ERP27: variants seen among roughly 807,000 people sequenced by gnomAD.
ERP27 encodes endoplasmic reticulum protein 27, also known as endoplasmic reticulum resident protein 27.
A neutral mutation model predicts 27.7 loss-of-function variants in ERP27; 23 were observed. The ratio of observed to expected loss-of-function variants is 0.83; its 90% CI spans 0.60 to 1.18. The LOEUF is 1.18. Ranked by LOEUF, ERP27 falls within the 50% of genes most tolerant of loss-of-function variation. ERP27 has a pLI of 0.00. For synonymous variants in ERP27, 159 were observed against 118.3 expected, an observed-to-expected ratio of 1.34 and a Z score of -2.23; for missense variants, 363 against 327.9, an observed-to-expected ratio of 1.11 and a Z score of -0.83.
rs1456707522 is a variant in ERP27 at position 14,915,681 on chromosome 12, G to C, written c.582C>G (p.Leu194=). The change falls in exon 6 of 7, where the codon CTC becomes CTG. Residue 194 remains leucine (L), a synonymous_variant. Coordinates refer to ENST00000266397, the MANE Select transcript of ERP27 (RefSeq NM_152321.4). ...TCATACCACTGTCCACCAGAATAAA[G>C]AGAATCTGCAGTTGGGGAAGTTTGA... ...KAAKLFQGKI[L]FILVDSGMKE... is the part of the protein sequence containing the mutation. 2 of 1,612,304 alleles carry C rather than the reference G, an allele frequency of 1.2e-6. No individual in the cohort carries two copies. Among genetic ancestry groups the C allele is most frequent in the Non-Finnish European group, 8.5e-7 (1 of 1,178,522 alleles).
intron 3 of ERP27, among the ~76,000 whole-genome samples, chr12:14,927,668 C>A (rs889440829): frequency 1.3e-5 from 2 of 151,662 alleles, no homozygotes; most frequent in African/African-American, 2.4e-5. Context: ...CAGGGTTCAT[C>A]TTTTTTGGTT....
At chr12:14,925,808 G>A (rs1156246583) in intron 3 of ERP27, among the ~76,000 whole-genome samples, 2 of 152,002 alleles carry the variant, frequency 1.3e-5, no homozygotes, top group East Asian at 1.9e-4. Flanking sequence ...AGTGGCTCAC[G>A]TCTGTAATCC....
Position 14,935,377 on chromosome 12 carries a change from AAACT to A in ERP27, c.196-388_196-385del, listed in dbSNP as rs778905596. Among the ~76,000 whole-genome samples the A allele has an allele frequency of 3.3e-5, 5 of 152,364 alleles. No individual in the cohort carries two copies. In the South Asian group the frequency reaches 1.0e-3, roughly 32 times the overall value. On this transcript the variant is annotated intron_variant, in intron 2 of 6. Transcript: ENST00000266397. ...TTTGTTTAACGGTGAAATAGCAAAC[AAACT>A]AACATAACCAACTCTATTTTTGTTT...
At chr12:14,919,291 C>T (rs1050293047) in intron 4 of ERP27, among the ~76,000 whole-genome samples, 4 of 152,122 alleles carry the variant, frequency 2.6e-5, no homozygotes, top group Non-Finnish European at 5.9e-5. Context: ...AATCTGCCTT[C>T]ACTAATAATA....
chr12:14,934,596 T>A (rs1280852984), intron 3 of ERP27, among the ~76,000 whole-genome samples: 1 of 152,224 alleles, frequency 6.6e-6, no homozygotes, highest in Admixed American at 6.5e-5. Flanking sequence ...GTTAAGTGAC[T>A]GCCCAAAGTC....
chr12:14,915,949 C>A, intron 5 of ERP27: 1 of 295,054 alleles, frequency 3.4e-6, no homozygotes, highest in Non-Finnish European at 6.4e-6. Flanking sequence ...GTTCCCACTT[C>A]TAAGTGGGAG....
At chr12:14,931,877 T>C (rs1041532229) in intron 3 of ERP27, among the ~76,000 whole-genome samples, 5 of 152,088 alleles carry the variant, frequency 3.3e-5, no homozygotes, top group African/African-American at 9.7e-5. Flanking sequence ...AATTTTTGTA[T>C]TGAAGGATTT....
intron 5 of ERP27, among the ~76,000 whole-genome samples, chr12:14,916,314 G>A (rs999702553): frequency 6.6e-6 from 1 of 152,184 alleles, no homozygotes; most frequent in African/African-American, 2.4e-5. Flanking sequence ...ATGGTTAGGA[G>A]CAGAGAGCAC....
Position 14,937,999 on chromosome 12 carries a change from T to A in ERP27, c.148A>T (p.Met50Leu). ...PTWLTDVPAA[M>L]EFIAATEVAV... ...ACCTCAGTGGCAGCAATGAATTCCA[T>A]GGCAGCTGGGACATCTGTGAGCCAC... The change falls in exon 2 of 7, where the codon ATG becomes TTG. Residue 50 changes from methionine (M) to leucine (L), a missense_variant. Coordinates refer to ENST00000266397, the MANE Select transcript of ERP27 (RefSeq NM_152321.4). 3 of 1,614,068 alleles carry A rather than the reference T, an allele frequency of 1.9e-6. No homozygotes were observed. Among genetic ancestry groups the A allele is most frequent in the Non-Finnish European group, 1.7e-6 (2 of 1,179,974 alleles).
At chr12:14,927,220 G>T (rs1366116564) in intron 3 of ERP27, among the ~76,000 whole-genome samples, 1 of 151,992 alleles carries the variant, frequency 6.6e-6, no homozygotes, top group Non-Finnish European at 1.5e-5. Flanking sequence ...CTTTTGTTAA[G>T]TTTTAGATGT....
At chr12:14,929,033 C>A (rs564643755) in intron 3 of ERP27, 123 of 1,534,992 alleles carry the variant, frequency 8.0e-5, no homozygotes, top group Non-Finnish European at 9.9e-5. Context: ...ATAATCAGGA[C>A]TCGTTTAACA....
At chr12:14,928,706 G>T (rs1863649476) in intron 3 of ERP27, among the ~76,000 whole-genome samples, 1 of 152,152 alleles carries the variant, frequency 6.6e-6, no homozygotes. Context: ...GGGTAAAAAT[G>T]AACTCCTTGT....
chr12:14,926,463 T>C (rs532193674), intron 3 of ERP27, among the ~76,000 whole-genome samples: 2 of 152,242 alleles, frequency 1.3e-5, no homozygotes, highest in African/African-American at 4.8e-5. Context: ...TATTTAATTA[T>C]GCATTTTCCA....
intron 3 of ERP27, among the ~76,000 whole-genome samples, chr12:14,925,756 A>G (rs1248504884): frequency 6.6e-6 from 1 of 151,812 alleles, no homozygotes; most frequent in Admixed American, 6.6e-5. Context: ...TCTTTTTTTA[A>G]AACCAGCTTA....
In ERP27 at chr12:14,915,493, A is replaced by G. The variant is rs1863393887; in HGVS notation, c.770T>C (p.Leu257Ser). 6.2e-7 allele frequency: 1 copy of G among 1,613,830 alleles called. No homozygotes were observed. Among genetic ancestry groups the G allele is most frequent in the Non-Finnish European group, 8.5e-7 (1 of 1,179,744 alleles). The stretch of plus-strand genomic sequence containing the variant: ...TACCTGCAGTCTCACACTTACCAAC[A>G]ATTTTCCACTTAGGAATCCATCACA... ...NFCDGFLSGK[L>S]LKENRESEGK... Residue 257 changes from leucine (L) to serine (S), a missense_variant, in exon 6 of 7, where the codon TTG (leucine) becomes TCG (serine). By Grantham distance (145) the Leu-to-Ser change is moderately radical. Transcript: ENST00000266397.
chr12:14,917,537 T>C (rs1863431129), intron 4 of ERP27, among the ~76,000 whole-genome samples: 1 of 152,152 alleles, frequency 6.6e-6, no homozygotes. Flanking sequence ...AAGACAATGT[T>C]GCAGAAATGA....
At chr12:14,935,333 GC>G (rs1863758820) in intron 2 of ERP27, 1 of 161,896 alleles carries the variant, frequency 6.2e-6, no homozygotes, top group South Asian at 2.0e-4. Context: ...CACATGAGAA[GC>G]AACTCTTCTG....
chr12:14,938,469 G>T lies in ERP27; in HGVS notation c.40C>A (p.Leu14Ile). The T allele has an allele frequency of 6.2e-7, 1 of 1,614,072 alleles. No homozygotes were observed. The highest frequency in any genetic ancestry group is 8.5e-7 in the Non-Finnish European group (1 of 1,179,996). Reference protein sequence around the residue: ...APSRFMFLLFLLTCELAAEVA... With the variant: ...APSRFMFLLFILTCELAAEVA... ...TCTGCAGCCAGCTCACACGTGAGGA[G>T]AAATAAGAGGAACATGAACCTGGAC... The change falls in exon 1 of 7, where the codon CTC becomes ATC. Residue 14 changes from leucine (L) to isoleucine (I), a missense_variant. Physicochemically the swap from Leu to Ile is conservative, Grantham distance 5. Coordinates refer to ENST00000266397, the MANE Select transcript of ERP27 (RefSeq NM_152321.4).
At chr12:14,927,596 T>C (rs981761650) in intron 3 of ERP27, among the ~76,000 whole-genome samples, 3 of 152,180 alleles carry the variant, frequency 2.0e-5, no homozygotes, top group Admixed American at 6.5e-5. Flanking sequence ...AATTTATTTC[T>C]TAGCTTCTTG....
Sources: gnomAD v4.1 joint callset for allele counts (sites outside exome capture counted in the v4.1 genomes callset) on GRCh38, gnomAD v4.1.1 for gene constraint, MANE v1.5 for transcripts, NCBI Gene and HGNC (gene_info 2026-07-23, HGNC 2026-07-21) for gene names.